Variants in PRSS23 observed in about 807,000 individuals in gnomAD.
PRSS23 encodes the protein serine protease 23.
In PRSS23, 25 loss-of-function variants were observed where a neutral mutation model predicts 34.7. The ratio of observed to expected loss-of-function variants is 0.72; its 90% confidence interval spans 0.53 to 1.01. The LOEUF (loss-of-function observed/expected upper bound fraction) is 1.01. Ranked by LOEUF, PRSS23 falls within the 50% of genes least tolerant of loss-of-function variation. The pLI, the probability that PRSS23 is intolerant of heterozygous loss-of-function variation, is 0.00. For missense variants in PRSS23, 445 were observed against 475.6 expected (o/e 0.94, Z 0.60); for synonymous variants, 176 against 186.6 (o/e 0.94, Z 0.46).
At chr11:86,939,441 T>TTTTTTA (rs1433661902) in intron 2 of PRSS23, among the ~76,000 whole-genome samples, 1 of 91,666 alleles carries the variant, frequency 1.1e-5, no homozygotes, top group Non-Finnish European at 2.9e-5. Flanking sequence ...TTAACATGAG[T>TTTTTTA]AAAAATTGCA....
At chr11:86,892,189 T>A (rs901434395) in intron 2 of PRSS23, 1 of 152,256 alleles carries the variant, frequency 6.6e-6, no homozygotes, top group Non-Finnish European at 1.5e-5. Context: ...ACTATTTGCC[T>A]TGTTAAAATG....
intron 2 of PRSS23, among the ~76,000 whole-genome samples, chr11:86,881,341 CT>C (rs1948771044): frequency 6.9e-6 from 1 of 144,878 alleles, no homozygotes; most frequent in South Asian, 2.2e-4. Context: ...TTTTTTGCAT[CT>C]ATTGAGGTGA....
At position 86,794,248 on chromosome 11, in the gene PRSS23, T is replaced by A. The variant is rs140379242; in HGVS notation, c.-14+3053T>A. ...TTTCCAATATAAAATCTTCATTTTC[T>A]CTTTTGTTCTTGATCATAAGATCCA... On this transcript the variant is annotated intron_variant, in intron 1 of 1. Coordinates refer to the PRSS23 transcript ENST00000527521. Among the ~76,000 whole-genome samples, 92 of 152,348 alleles carry A rather than the reference T, an allele frequency of 6.0e-4. No homozygotes were observed. The East Asian group carries it at 8.9e-3, about 15-fold the overall frequency.
chr11:86,894,832 A>G (rs139225810), intron 2 of PRSS23, among the ~76,000 whole-genome samples: 33 of 152,258 alleles, frequency 2.2e-4, no homozygotes, highest in Middle Eastern at 3.4e-3. Context: ...CTATTTGTGT[A>G]TATGTCTTAT....
At chr11:86,923,345 T>A (rs1476262420) in intron 2 of PRSS23, among the ~76,000 whole-genome samples, 1 of 152,134 alleles carries the variant, frequency 6.6e-6, no homozygotes, top group Non-Finnish European at 1.5e-5. Flanking sequence ...TAGGGTGGTC[T>A]CGAACTCAAG....
rs371287416 is a variant in PRSS23, at chr11:86,921,306, A to G, written c.207-29910A>G. 31 of 152,354 alleles carry G rather than the reference A, an allele frequency of 2.0e-4. No individual in the cohort carries two copies. In the East Asian group the frequency reaches 4.4e-3, roughly 22 times the overall value. 9.4% of individuals were successfully genotyped at this position (152,354 alleles called of 1,614,324 possible). ...TCTCGCTAGATTGAGAGCCCCACGC[A>G]GGCAGATTCATCCTTACTTTCTTCA... On this transcript the variant is annotated intron_variant, in intron 2 of 2. Coordinates refer to the PRSS23 transcript ENST00000533902.
At chr11:86,853,011 G>A (rs1437199377) in intron 2 of PRSS23, among the ~76,000 whole-genome samples, 7 of 151,904 alleles carry the variant, frequency 4.6e-5, no homozygotes, top group Non-Finnish European at 7.4e-5. Flanking sequence ...GCGCCACCAC[G>A]CCCAGCTAAT....
intron 2 of PRSS23, among the ~76,000 whole-genome samples, chr11:86,939,426 A>ATATATATATATATATATTTTTTTT: frequency 1.1e-5 from 1 of 94,070 alleles, no homozygotes; most frequent in Admixed American, 1.3e-4. Flanking sequence ...ATATATATAT[A>ATATATATATATATATATTTTTTTT]TTTTTTAACA....
intron 2 of PRSS23, among the ~76,000 whole-genome samples, chr11:86,917,459 A>T (rs545957131): frequency 1.2e-3 from 185 of 152,384 alleles, no homozygotes; most frequent in Non-Finnish European, 1.9e-3. Context: ...ATCCATATTA[A>T]TCACTGATTT....
chr11:86,828,487 C>T (rs946707033), intron 2 of PRSS23, among the ~76,000 whole-genome samples: 208 of 152,208 alleles, frequency 1.4e-3, no homozygotes, highest in Non-Finnish European at 1.6e-3. Context: ...GCATTTAGTC[C>T]ATTTACATTT....
chr11:86,904,116 A>G lies in PRSS23; in HGVS notation c.207-47100A>G, dbSNP rs914198445. ...TCTGAACATGCACACTCACTCTACA[A>G]ACAGTCACCTGGAGTACAAATAAAG... On this transcript the variant is annotated intron_variant, in intron 2 of 2. Transcript: ENST00000533902. 1.0e-3 allele frequency among the ~76,000 whole-genome samples: 153 copies of G among 152,188 alleles called. 2 individuals are homozygous for G. Among genetic ancestry groups the G allele is most frequent in the African/African-American group, 3.5e-3 (147 of 41,436 alleles).
chr11:86,808,956 C>T lies in PRSS23; in HGVS notation c.*161C>T, dbSNP rs1164236853. On this transcript the variant is annotated 3_prime_UTR_variant, in exon 2 of 2. Coordinates refer to ENST00000280258, the MANE Select transcript of PRSS23 (RefSeq NM_007173.6). ...CCTATTTCTTACAATTGCAAGATGA[C>T]TGGCTTTACTATTTGAAAACTGGTT... is the stretch of plus-strand genomic sequence containing the variant. 1.6e-6 allele frequency: 1 copy of T among 629,236 alleles called. No individual in the cohort carries two copies. The highest frequency in any genetic ancestry group is 2.8e-5 in the East Asian group (1 of 35,220). The allele number at this position is 629,236 out of a possible 1,614,324, so 39.0% of individuals were successfully genotyped here. A position where few individuals can be genotyped will look rare whatever the true frequency, so the allele number is the denominator to read the frequency against.
intron 2 of PRSS23, among the ~76,000 whole-genome samples, chr11:86,846,813 G>T (rs189982127): frequency 7.6e-4 from 116 of 152,264 alleles, no homozygotes; most frequent in Admixed American, 1.4e-3. Flanking sequence ...GTTCAGGCAG[G>T]TGTCACCATT....
chr11:86,852,893 G>A lies in PRSS23; in HGVS notation c.206+29300G>A, dbSNP rs193220189. 3.2e-3 allele frequency among the ~76,000 whole-genome samples: 490 copies of A among 151,404 alleles called. 1 individual carries two copies. The highest frequency in any genetic ancestry group is 0.026 in the South Asian group (123 of 4,792). On this transcript the variant is annotated intron_variant, in intron 2 of 2. Coordinates refer to the PRSS23 transcript ENST00000533902. The stretch of plus-strand genomic sequence containing the variant: ...TTTGGAGACAGAATCTTTCTCTGTC[G>A]CCCAGGCTGGAGTGCAGTGGCATGA...
At chr11:86,951,949 A>G in exon 3 of PRSS23, 2 of 1,613,948 alleles carry the variant, frequency 1.2e-6, no homozygotes, top group Non-Finnish European at 8.5e-7. Context: ...GCCTGACAAT[A>G]TAAGCAATGC....
Position 86,881,084 on chromosome 11 carries a change from T to C in PRSS23, c.206+57491T>C, listed in dbSNP as rs180867806. Among the ~76,000 whole-genome samples, 16 of 152,336 alleles carry C rather than the reference T, an allele frequency of 1.1e-4. No homozygotes were observed. The East Asian group carries it at 2.9e-3, about 28-fold the overall frequency. On this transcript the variant is annotated intron_variant, in intron 2 of 2. Coordinates refer to the PRSS23 transcript ENST00000533902. ...CTAGAACCTCCAGTATAATGTTGAA[T>C]AGACATAGCAAGATCAGACATTCTT...
At chr11:86,811,755 C>T (rs1295503038), downstream of PRSS23, among the ~76,000 whole-genome samples, 3 of 152,070 alleles carry the variant, frequency 2.0e-5, no homozygotes, top group Non-Finnish European at 4.4e-5. Flanking sequence ...TTCAAGGAAT[C>T]ACTCTTTCTC....
At chr11:86,927,580 C>T (rs1300926654) in intron 2 of PRSS23, among the ~76,000 whole-genome samples, 1 of 152,134 alleles carries the variant, frequency 6.6e-6, no homozygotes, top group Non-Finnish European at 1.5e-5. Context: ...CTCCTAAGCT[C>T]AAGCAGTCCT....
intron 2 of PRSS23, among the ~76,000 whole-genome samples, chr11:86,882,328 A>G (rs540098501): frequency 1.3e-5 from 2 of 152,256 alleles, no homozygotes; most frequent in South Asian, 4.1e-4. Flanking sequence ...AGAACCCATT[A>G]GTTATTTTTC....
Sources: gnomAD v4.1 joint callset for allele counts (sites outside exome capture counted in the v4.1 genomes callset) on GRCh38, gnomAD v4.1.1 for gene constraint, MANE v1.5 for transcripts, NCBI Gene and HGNC (gene_info 2026-07-23, HGNC 2026-07-21) for gene names.